The following CELF4 variants were observed in gnomAD, a reference collection of about 807,000 sequenced individuals.
CELF4 encodes the protein CUGBP Elav-like family member 4.
Under a neutral mutation model 59.9 loss-of-function variants are expected in CELF4, and 18 were observed. That is an observed-to-expected ratio of 0.30 (90% CI 0.21 to 0.45). The LOEUF (loss-of-function observed/expected upper bound fraction) is 0.45. CELF4 is among the 20% of genes least tolerant of loss of function. CELF4 has a pLI of 1.00. For synonymous variants in CELF4, 261 were observed against 267.1 expected, an observed-to-expected ratio of 0.98 and a Z score of 0.22; for missense variants, 456 against 689.0, an observed-to-expected ratio of 0.66 and a Z score of 3.79.
chr18:37,416,406 T>C (rs2099529250), intron 2 of CELF4, among the ~76,000 whole-genome samples: 1 of 152,188 alleles, frequency 6.6e-6, no homozygotes, highest in Admixed American at 6.5e-5. Flanking sequence ...GCCTCTAGCT[T>C]CCATCCTGGA....
chr18:37,467,501 A>G (rs886220437), intron 2 of CELF4, among the ~76,000 whole-genome samples: 2 of 152,126 alleles, frequency 1.3e-5, no homozygotes, highest in Non-Finnish European at 2.9e-5. Context: ...GGCAGAGTCA[A>G]TGGCCACGTG....
intron 2 of CELF4, among the ~76,000 whole-genome samples, chr18:37,356,431 G>A (rs1320230787): frequency 6.6e-6 from 1 of 152,212 alleles, no homozygotes; most frequent in Non-Finnish European, 1.5e-5. Context: ...GGACATGAAA[G>A]AGGTGCTGGA....
chr18:37,426,801 A>T lies in CELF4; in HGVS notation c.369+58724T>A, dbSNP rs532034843. Among the ~76,000 whole-genome samples, 17 of 152,232 alleles carry T rather than the reference A, an allele frequency of 1.1e-4. No homozygotes were observed. The East Asian group carries it at 3.3e-3, about 29-fold the overall frequency. On this transcript the variant is annotated intron_variant, in intron 2 of 12. Transcript: ENST00000420428. ...CCATGTGCGGTTTGCTGCACATTAAATTCATTATTTTAACAGGTCAATGCC... is the reference window on the plus strand; with the variant it reads ...CCATGTGCGGTTTGCTGCACATTAATTTCATTATTTTAACAGGTCAATGCC...
At chr18:37,338,600 C>T (rs918302746) in intron 2 of CELF4, among the ~76,000 whole-genome samples, 4 of 152,144 alleles carry the variant, frequency 2.6e-5, no homozygotes, top group African/African-American at 4.8e-5. Flanking sequence ...TCATGGCAGG[C>T]CCCTACAATC....
chr18:37,421,792 G>A lies in CELF4; in HGVS notation c.369+63733C>T, dbSNP rs568242299. On this transcript the variant is annotated intron_variant, in intron 2 of 12. Transcript: ENST00000420428. ...GCCAAGCCAATTCCAGGACAGTCAC[G>A]CGCAGCCTGTGAAATGTGAGCTGTA... is the stretch of plus-strand genomic sequence containing the variant. Among the ~76,000 whole-genome samples, 86 of 152,338 alleles carry A rather than the reference G, an allele frequency of 5.6e-4. 1 individual carries two copies. The highest frequency in any genetic ancestry group is 1.9e-3 in the African/African-American group (78 of 41,584).
chr18:37,375,188 A>G (rs1461128628), intron 2 of CELF4, among the ~76,000 whole-genome samples: 2 of 152,176 alleles, frequency 1.3e-5, no homozygotes, highest in Admixed American at 6.5e-5. Context: ...TCCTTGCCGC[A>G]GAGTATAAAT....
intron 2 of CELF4, among the ~76,000 whole-genome samples, chr18:37,326,191 T>G (rs950922475): frequency 1.2e-4 from 18 of 151,930 alleles, no homozygotes; most frequent in African/African-American, 3.9e-4. Flanking sequence ...GTGAAGAGAA[T>G]GCCGGAGAGG....
At chr18:37,284,462 G>T (rs761660749) in intron 3 of CELF4, among the ~76,000 whole-genome samples, 3 of 152,186 alleles carry the variant, frequency 2.0e-5, no homozygotes, top group Non-Finnish European at 4.4e-5. Flanking sequence ...TGGCCTCACA[G>T]TGCACCATGC....
chr18:37,294,372 T>C (rs1278093185), intron 3 of CELF4, among the ~76,000 whole-genome samples: 1 of 152,166 alleles, frequency 6.6e-6, no homozygotes, highest in Non-Finnish European at 1.5e-5. Flanking sequence ...GGAACCTCCC[T>C]TTCTGTCCAG....
intron 3 of CELF4, among the ~76,000 whole-genome samples, chr18:37,283,852 G>A (rs138975878): frequency 1.3e-5 from 1 of 75,500 alleles, no homozygotes; most frequent in East Asian, 5.0e-4. Flanking sequence ...CTGCGGGCCA[G>A]GGAACAGCAC....
At chr18:37,281,040 G>C (rs1313943764) in intron 3 of CELF4, among the ~76,000 whole-genome samples, 1 of 152,242 alleles carries the variant, frequency 6.6e-6, no homozygotes, top group African/African-American at 2.4e-5. Context: ...TGAGCTCACT[G>C]TATTCAGGGT....
intron 2 of CELF4, among the ~76,000 whole-genome samples, chr18:37,414,508 T>C (rs200723624): frequency 2.8e-5 from 4 of 143,938 alleles, no homozygotes; most frequent in Admixed American, 1.4e-4. Context: ...CTTTTCTTTT[T>C]TTTTTTTTTT....
intron 11 of CELF4, among the ~76,000 whole-genome samples, chr18:37,258,344 G>T (rs564455060): frequency 6.8e-6 from 1 of 148,146 alleles, no homozygotes; most frequent in African/African-American, 2.5e-5. Flanking sequence ...CCTCTGGCTC[G>T]TCTCACCCCA....
At chr18:37,489,946 C>T (rs570918881) in intron 1 of CELF4, among the ~76,000 whole-genome samples, 7 of 152,282 alleles carry the variant, frequency 4.6e-5, no homozygotes, top group African/African-American at 9.6e-5. Context: ...CACATACACT[C>T]GTGCTCACAG....
At chr18:37,250,803 T>C (rs889793090) in intron 12 of CELF4, among the ~76,000 whole-genome samples, 1 of 152,126 alleles carries the variant, frequency 6.6e-6, no homozygotes, top group Non-Finnish European at 1.5e-5. Flanking sequence ...CTTCCAACAG[T>C]CTTGGGCTGG....
intron 2 of CELF4, among the ~76,000 whole-genome samples, chr18:37,385,827 T>A (rs2099093409): frequency 1.3e-5 from 2 of 152,258 alleles, no homozygotes; most frequent in Admixed American, 1.3e-4. Context: ...TGGACTATTT[T>A]CAATATGTAT....
At chr18:37,484,203 C>T (rs1349581182) in intron 2 of CELF4, among the ~76,000 whole-genome samples, 3 of 152,184 alleles carry the variant, frequency 2.0e-5, no homozygotes, top group African/African-American at 7.2e-5. Context: ...AAACAAAGTA[C>T]CATAAACACT....
At chr18:37,390,402 T>C (rs182398219) in intron 2 of CELF4, among the ~76,000 whole-genome samples, 2 of 152,212 alleles carry the variant, frequency 1.3e-5, no homozygotes, top group Admixed American at 6.5e-5. Context: ...CCTAGTAGTT[T>C]TGTGCATGTG....
At chr18:37,332,349 C>T (rs908325772) in intron 2 of CELF4, among the ~76,000 whole-genome samples, 1 of 152,182 alleles carries the variant, frequency 6.6e-6, no homozygotes, top group Non-Finnish European at 1.5e-5. Context: ...CACGTAGCCT[C>T]ACTGGTCCAG....
Sources: gnomAD v4.1 joint callset for allele counts (sites outside exome capture counted in the v4.1 genomes callset) on GRCh38, gnomAD v4.1.1 for gene constraint, MANE v1.5 for transcripts, NCBI Gene and HGNC (gene_info 2026-07-23, HGNC 2026-07-21) for gene names.